Variants in CDH12 observed in about 807,000 individuals in gnomAD.
CDH12 encodes cadherin 12.
A neutral mutation model predicts 74.1 loss-of-function variants in CDH12; 41 were observed. That is an observed-to-expected ratio of 0.55 (90% CI 0.43 to 0.72). CDH12 has a LOEUF of 0.72. Ranked by LOEUF, CDH12 falls within the 30% of genes least tolerant of loss-of-function variation. The pLI is 0.00. For missense variants in CDH12, 945 were observed against 977.2 expected (o/e 0.97, Z 0.44); for synonymous variants, 399 against 355.0 (o/e 1.12, Z -1.39).
intron 1 of CDH12, among the ~76,000 whole-genome samples, chr5:22,842,831 A>C (rs1737138348): frequency 6.6e-6 from 1 of 152,128 alleles, no homozygotes; most frequent in Admixed American, 6.6e-5. Flanking sequence ...CTATCATGGT[A>C]ATACTCCCTA....
intron 1 of CDH12, among the ~76,000 whole-genome samples, chr5:22,749,078 G>A (rs1745431052): frequency 6.6e-6 from 1 of 152,332 alleles, no homozygotes; most frequent in South Asian, 2.1e-4. Context: ...ACAACTTCAA[G>A]GAGGGGCTAA....
chr5:22,204,132 G>T (rs1213337449), intron 4 of CDH12, among the ~76,000 whole-genome samples: 2 of 150,528 alleles, frequency 1.3e-5, no homozygotes, highest in South Asian at 2.1e-4. Flanking sequence ...TAGAAACATA[G>T]AATTCACGTG....
chr5:22,395,301 C>T (rs544440136), intron 3 of CDH12, among the ~76,000 whole-genome samples: 2 of 152,202 alleles, frequency 1.3e-5, no homozygotes, highest in South Asian at 4.1e-4. Context: ...CAAGGGTTGT[C>T]AATGGCCACC....
At chr5:22,005,610 TG>T (rs1452928118) in intron 5 of CDH12, among the ~76,000 whole-genome samples, 1 of 151,832 alleles carries the variant, frequency 6.6e-6, no homozygotes, top group Non-Finnish European at 1.5e-5. Context: ...CATTTTCTAA[TG>T]TATTGTATTA....
chr5:21,869,817 G>A (rs1236387884), intron 6 of CDH12, among the ~76,000 whole-genome samples: 4 of 152,166 alleles, frequency 2.6e-5, no homozygotes, highest in Non-Finnish European at 5.9e-5. Flanking sequence ...AAGTTAATAA[G>A]GGTTGGATTT....
intron 1 of CDH12, among the ~76,000 whole-genome samples, chr5:22,656,226 G>A (rs78559484): frequency 0.051 from 7,792 of 152,116 alleles, 239 homozygotes; most frequent in Admixed American, 0.065. Context: ...TTACACACAT[G>A]TTCTGCATTA....
intron 1 of CDH12, among the ~76,000 whole-genome samples, chr5:22,570,094 T>C (rs1739471532): frequency 6.6e-6 from 1 of 151,976 alleles, no homozygotes; most frequent in South Asian, 2.1e-4. Flanking sequence ...CTCGCTGCGA[T>C]GCCCAGGCTG....
intron 5 of CDH12, among the ~76,000 whole-genome samples, chr5:22,022,497 T>G (rs937176352): frequency 6.6e-6 from 1 of 152,114 alleles, no homozygotes; most frequent in African/African-American, 2.4e-5. Flanking sequence ...TTTTTTTAAA[T>G]TATCCAGTCT....
At chr5:22,750,363 G>C (rs886502042) in intron 1 of CDH12, among the ~76,000 whole-genome samples, 1 of 152,014 alleles carries the variant, frequency 6.6e-6, no homozygotes, top group Non-Finnish European at 1.5e-5. Context: ...ATAAACCTTG[G>C]GTGTAACTTC....
intron 6 of CDH12, among the ~76,000 whole-genome samples, chr5:21,955,105 C>T (rs2431896): frequency 0.052 from 7,949 of 151,798 alleles, 264 homozygotes; most frequent in Non-Finnish European, 0.073. Flanking sequence ...TCAGGTTCTG[C>T]GTTTGATTTT....
At chr5:22,674,110 A>C (rs761239296) in intron 1 of CDH12, among the ~76,000 whole-genome samples, 7 of 152,194 alleles carry the variant, frequency 4.6e-5, no homozygotes, top group Non-Finnish European at 8.8e-5. Context: ...TCTGTAGACT[A>C]GTAAAAGCTT....
intron 1 of CDH12, among the ~76,000 whole-genome samples, chr5:22,696,094 C>T (rs139681605): frequency 0.014 from 2,201 of 152,124 alleles, 53 homozygotes; most frequent in African/African-American, 0.051. Flanking sequence ...TTCAGCTGGG[C>T]GCGGTGGCTC....
intron 6 of CDH12, among the ~76,000 whole-genome samples, chr5:21,924,136 A>G (rs1321712927): frequency 6.6e-6 from 1 of 152,228 alleles, no homozygotes; most frequent in Non-Finnish European, 1.5e-5. Flanking sequence ...AACTAAAAGT[A>G]GTTATAATTA....
chr5:21,872,104 T>C (rs534767875), intron 6 of CDH12, among the ~76,000 whole-genome samples: 2 of 152,138 alleles, frequency 1.3e-5, no homozygotes, highest in Non-Finnish European at 2.9e-5. Context: ...CCTTGAACTG[T>C]ACTTCTAAGA....
intron 7 of CDH12, among the ~76,000 whole-genome samples, chr5:21,849,548 T>C (rs1223197458): frequency 6.6e-6 from 1 of 151,818 alleles, no homozygotes. Context: ...GTCTATTGAT[T>C]TCCTTGCCTT....
At chr5:22,660,807 T>A (rs1740308804) in intron 1 of CDH12, among the ~76,000 whole-genome samples, 1 of 152,244 alleles carries the variant, frequency 6.6e-6, no homozygotes, top group South Asian at 2.1e-4. Context: ...AGATATTTTT[T>A]AATTGTGAGT....
intron 2 of CDH12, 104 bp downstream of exon 2, chr5:22,505,166 C>T (rs1022541820): frequency 3.6e-5 from 7 of 194,234 alleles, no homozygotes; most frequent in African/African-American, 1.7e-4. Context: ...ATTTTGATTT[C>T]TAATAAATTT....
intron 2 of CDH12, among the ~76,000 whole-genome samples, chr5:22,441,358 A>G (rs1744614566): frequency 6.6e-6 from 1 of 152,150 alleles, no homozygotes; most frequent in Admixed American, 6.6e-5. Context: ...TCCAGAGGGT[A>G]GCTTGCATAT....
At chr5:21,874,388 C>G (rs1751818306) in intron 6 of CDH12, among the ~76,000 whole-genome samples, 1 of 152,164 alleles carries the variant, frequency 6.6e-6, no homozygotes, top group Non-Finnish European at 1.5e-5. Context: ...CCGCATCCAC[C>G]TTTAAACACG....
Sources: gnomAD v4.1 joint callset for allele counts (sites outside exome capture counted in the v4.1 genomes callset) on GRCh38, gnomAD v4.1.1 for gene constraint, MANE v1.5 for transcripts, NCBI Gene and HGNC (gene_info 2026-07-23, HGNC 2026-07-21) for gene names.